The following PPP1R12A variants were observed in gnomAD, a reference collection of about 807,000 sequenced individuals.
The protein encoded by PPP1R12A is protein phosphatase 1 regulatory subunit 12A.
In PPP1R12A, 19 loss-of-function variants were observed where a neutral mutation model predicts 139.6. The observed-to-expected ratio is 0.14, with a 90% CI of 0.09 to 0.20. The LOEUF (loss-of-function observed/expected upper bound fraction) is 0.20, where lower values mean the gene tolerates loss of function less well. PPP1R12A is among the 10% of genes least tolerant of loss of function. The probability of loss-of-function intolerance (pLI) is 1.00; values close to 1 mark genes in which losing one functional copy is unlikely to be tolerated. For missense variants in PPP1R12A, 925 were observed against 1,211.5 expected, an observed-to-expected ratio of 0.76 and a Z score of 3.51; for synonymous variants, 427 against 420.6, an observed-to-expected ratio of 1.02 and a Z score of -0.19.
chr12:79,809,570 C>G (rs1162578648), intron 10 of PPP1R12A, among the ~76,000 whole-genome samples: 1 of 152,030 alleles, frequency 6.6e-6, no homozygotes, highest in South Asian at 2.1e-4. Flanking sequence ...GTAATAGATT[C>G]CTTTAACGGA....
chr12:79,782,460 G>A (rs1379956176), intron 22 of PPP1R12A: 1 of 383,802 alleles, frequency 2.6e-6, no homozygotes, highest in Admixed American at 3.5e-5. Context: ...GTGAGCTCAG[G>A]CCTTTCATTT....
At chr12:79,927,363 A>T (rs1887924034) in intron 1 of PPP1R12A, among the ~76,000 whole-genome samples, 1 of 152,222 alleles carries the variant, frequency 6.6e-6, no homozygotes, top group Admixed American at 6.5e-5. Flanking sequence ...AGTCAAAAAT[A>T]ATCTTGGCAC....
In PPP1R12A at chr12:79,806,941, G is replaced by C. The variant is rs572142679; in HGVS notation, c.1655+285C>G. 16 of 227,500 alleles carry C rather than the reference G, an allele frequency of 7.0e-5. No individual in the cohort carries two copies. In the South Asian group the frequency reaches 1.2e-3, roughly 17 times the overall value. The allele number at this position is 227,500 out of a possible 1,614,324, so 14.1% of individuals were successfully genotyped here. A position where few individuals can be genotyped will look rare whatever the true frequency, so the allele number is the denominator to read the frequency against. Reference sequence around the variant, plus strand: ...TCCATTAAGACACTGGCCTGTTTAAGTTGTTCTAGTCAAGGAGTTCCTTCT... The same window carrying C: ...TCCATTAAGACACTGGCCTGTTTAACTTGTTCTAGTCAAGGAGTTCCTTCT... On this transcript the variant is annotated intron_variant, in intron 12 of 24. Transcript: ENST00000450142.
upstream of PPP1R12A, chr12:79,935,318 C>T (rs904167927): frequency 3.2e-5 from 33 of 1,037,938 alleles, no homozygotes; most frequent in African/African-American, 6.8e-5. Context: ...CAGAGGGAAG[C>T]GGGTGTGGCC....
intron 1 of PPP1R12A, among the ~76,000 whole-genome samples, chr12:79,886,296 T>A (rs931524581): frequency 2.0e-5 from 3 of 152,174 alleles, no homozygotes; most frequent in African/African-American, 4.8e-5. Context: ...AGCTCTTGCA[T>A]TAGAATACTG....
rs368963159 is a variant in PPP1R12A, at chr12:79,872,867, A to G, written c.309T>C (p.Asp103=). ...CATGTAGTGGTATCCAGCCTTCATT[A>G]TCAGGTTGATTAATATTTGCTCCAT... is the stretch of plus-strand genomic sequence containing the variant. ...VENGANINQP[D]NEGWIPLHAA... Residue 103 remains aspartate (D), a synonymous_variant, in exon 2 of 25, where the codon GAT becomes GAC. Coordinates refer to ENST00000450142, the MANE Select transcript of PPP1R12A (RefSeq NM_002480.3). 2.5e-6 allele frequency: 4 copies of G among 1,613,430 alleles called. No individual in the cohort carries two copies. In the African/African-American group the frequency reaches 5.3e-5, roughly 22 times the overall value.
chr12:79,883,572 CA>C (rs2137389526), intron 1 of PPP1R12A, among the ~76,000 whole-genome samples: 1 of 152,076 alleles, frequency 6.6e-6, no homozygotes, highest in African/African-American at 2.4e-5. Context: ...AGAAAGATGA[CA>C]ATTTTATTTG....
At chr12:79,813,442 A>G (rs899031921) in intron 9 of PPP1R12A, among the ~76,000 whole-genome samples, 1 of 152,150 alleles carries the variant, frequency 6.6e-6, no homozygotes, top group African/African-American at 2.4e-5. Context: ...TTATATACCC[A>G]CAGCACATAG....
At chr12:79,817,322 A>C in intron 9 of PPP1R12A, 72 bp downstream of exon 9, 1 of 1,390,938 alleles carries the variant, frequency 7.2e-7, no homozygotes, top group South Asian at 1.4e-5. Flanking sequence ...ATTCAGAATT[A>C]CTTTAATGAG....
At chr12:79,904,521 T>C (rs899672900) in intron 1 of PPP1R12A, among the ~76,000 whole-genome samples, 3 of 152,124 alleles carry the variant, frequency 2.0e-5, no homozygotes, top group African/African-American at 4.8e-5. Flanking sequence ...TTCATCCTTA[T>C]GACGAAAACC....
chr12:79,817,578 G>T, intron 8 of PPP1R12A, 60 bp from the exon 9 acceptor site: 1 of 1,432,300 alleles, frequency 7.0e-7, no homozygotes, highest in South Asian at 1.4e-5. Flanking sequence ...CAATGGCTGG[G>T]AAAAAATCAT....
Position 79,820,898 on chromosome 12 carries a change from A to G in PPP1R12A, c.990T>C (p.Asn330=). 6.2e-7 allele frequency: 1 copy of G among 1,613,404 alleles called. No individual in the cohort carries two copies. Among genetic ancestry groups the G allele is most frequent in the Non-Finnish European group, 8.5e-7 (1 of 1,179,746 alleles). The change falls in exon 8 of 25, where the codon AAT becomes AAC. Residue 330 remains asparagine (N), a synonymous_variant. Coordinates refer to ENST00000450142, the MANE Select transcript of PPP1R12A (RefSeq NM_002480.3). ...GTTCCAGAGATTCAATACGGGATGC[A>G]TTTTTCTCTGGTTCAATAATCAACG... ...KETLIIEPEK[N]ASRIESLEQE...
chr12:79,796,512 C>A (rs1335397559), intron 17 of PPP1R12A, among the ~76,000 whole-genome samples: 1 of 152,128 alleles, frequency 6.6e-6, no homozygotes, highest in African/African-American at 2.4e-5. Flanking sequence ...GAAATAGTCA[C>A]CCACCAGTTC....
intron 4 of PPP1R12A, among the ~76,000 whole-genome samples, chr12:79,830,973 CCCT>C (rs2062728523): frequency 6.6e-6 from 1 of 152,048 alleles, no homozygotes; most frequent in African/African-American, 2.4e-5. Context: ...TCCTGATCCC[CCCT>C]AAGAACTAAT....
chr12:79,783,805 A>G (rs1870774177), intron 22 of PPP1R12A, among the ~76,000 whole-genome samples: 2 of 152,234 alleles, frequency 1.3e-5, no homozygotes, highest in South Asian at 4.1e-4. Flanking sequence ...GAAAACATTA[A>G]CATCAGTTTA....
At chr12:79,789,904 C>G (rs1185789779) in intron 20 of PPP1R12A, among the ~76,000 whole-genome samples, 3 of 151,778 alleles carry the variant, frequency 2.0e-5, no homozygotes, top group African/African-American at 7.2e-5. Flanking sequence ...CTCAGCCTCC[C>G]CAGCAGCTAG....
At chr12:79,888,231 T>C (rs2137410251) in intron 1 of PPP1R12A, among the ~76,000 whole-genome samples, 1 of 152,260 alleles carries the variant, frequency 6.6e-6, no homozygotes, top group South Asian at 2.1e-4. Context: ...ATAAATGCTA[T>C]GGATTTAACT....
chr12:79,801,701 A>G (rs2137044373), intron 14 of PPP1R12A, among the ~76,000 whole-genome samples: 1 of 152,294 alleles, frequency 6.6e-6, no homozygotes, highest in Admixed American at 6.5e-5. Flanking sequence ...CACTATTCTT[A>G]GCATTCACCT....
At chr12:79,926,335 G>A (rs1051348726) in intron 1 of PPP1R12A, among the ~76,000 whole-genome samples, 5 of 152,084 alleles carry the variant, frequency 3.3e-5, no homozygotes, top group South Asian at 2.1e-4. Context: ...ACAGGCATGC[G>A]CCACCATGCC....
Sources: allele counts gnomAD v4.1 joint callset (sites outside exome capture counted in the v4.1 genomes callset), GRCh38; gene constraint gnomAD v4.1.1; transcripts MANE v1.5; gene names NCBI Gene and HGNC (gene_info 2026-07-23, HGNC 2026-07-21).